Variants in NEURL4 observed in about 807,000 individuals in gnomAD.
The protein encoded by NEURL4 is neuralized-like protein 4.
NEURL4 carries 45 observed loss-of-function variants against 148.0 expected under a neutral mutation model. The ratio of observed to expected loss-of-function variants is 0.30; its 90% confidence interval spans 0.24 to 0.39. NEURL4 has a LOEUF of 0.39. Among genes scored for constraint, NEURL4 ranks in the 10% least tolerant of loss-of-function variants. The pLI is 1.00. For synonymous variants in NEURL4, 854 were observed against 869.0 expected (o/e 0.98, Z 0.30); for missense variants, 1,776 against 2,144.0 (o/e 0.83, Z 3.39).
Position 7,317,374 on chromosome 17 carries a change from G to A in NEURL4, c.4319-4C>T. 6.3e-7 allele frequency: 1 copy of A among 1,583,310 alleles called. No individual in the cohort carries two copies. The highest frequency in any genetic ancestry group is 8.6e-7 in the Non-Finnish European group (1 of 1,162,754). On this transcript the variant is annotated splice_region_variant and splice_polypyrimidine_tract_variant and intron_variant, in intron 27 of 28. Coordinates refer to ENST00000399464, the MANE Select transcript of NEURL4 (RefSeq NM_032442.3). ...CAGCTCAGGATGGAGGCAGTACCTG[G>A]GAGGAGAACTGGGTCAGGATAGCCC...
chr17:7,327,605 G>A lies in NEURL4; in HGVS notation c.562C>T (p.Arg188Cys), dbSNP rs770022730. ...CGVAATGLPP[R>C]VWAVVDLYGK... Reference sequence around the variant, plus strand: ...TAAAGGTCCACGACGGCCCAGACACGAGGGGGCAGGCCTGTGGCAGCCACA... The same window carrying A: ...TAAAGGTCCACGACGGCCCAGACACAAGGGGGCAGGCCTGTGGCAGCCACA... Residue 188 changes from arginine (R) to cysteine (C), a missense_variant, in exon 2 of 29, where the codon CGT becomes TGT. Transcript: ENST00000399464. This position sits in a 1 kb window ranked among gnomAD's most constrained non-coding sequence, Gnocchi z 6.6. 18 of 1,612,458 alleles carry A rather than the reference G, an allele frequency of 1.1e-5. No homozygotes were observed. The highest frequency in any genetic ancestry group is 6.7e-5 in the East Asian group (3 of 44,884).
Position 7,318,134 on chromosome 17 carries a change from C to T in NEURL4, c.3991G>A (p.Ala1331Thr), listed in dbSNP as rs568749336. The change falls in exon 25 of 29, where the codon GCT (alanine) becomes ACT (threonine). Residue 1331 changes from alanine to threonine, a missense_variant. Transcript: ENST00000399464. This position sits in a 1 kb window ranked among gnomAD's most constrained non-coding sequence, Gnocchi z 4.3. ...ESVCWGPPPAASPLKSCEYHA... is the reference protein window; with the variant it reads ...ESVCWGPPPATSPLKSCEYHA... ...TACTCGCAGCTCTTTAGAGGACTAGCGGCAGGTGGTGGACCCCAGCACACA... is the reference window on the plus strand; with the variant it reads ...TACTCGCAGCTCTTTAGAGGACTAGTGGCAGGTGGTGGACCCCAGCACACA... 7.7e-5 allele frequency: 125 copies of T among 1,614,110 alleles called. No individual in the cohort carries two copies. The East Asian group carries it at 2.4e-3, about 31-fold the overall frequency.
chr17:7,319,018 G>A (rs2072989945), intron 22 of NEURL4, 32 bp downstream of exon 22: 1 of 1,581,764 alleles, frequency 6.3e-7, no homozygotes, highest in East Asian at 2.2e-5. Flanking sequence ...TCACAGGCCT[G>A]GTCCTGTTCC....
chr17:7,327,512 T>G lies in NEURL4; in HGVS notation c.655A>C (p.Thr219Pro). 1 of 1,597,850 alleles carries G rather than the reference T, an allele frequency of 6.3e-7. No individual in the cohort carries two copies. The highest frequency in any genetic ancestry group is 1.1e-5 in the South Asian group (1 of 88,862). The change falls in exon 2 of 29, where the codon ACA (threonine) becomes CCA (proline). Residue 219 changes from threonine to proline, a missense_variant. Physicochemically the swap from Thr to Pro is conservative, Grantham distance 38. Coordinates refer to ENST00000399464, the MANE Select transcript of NEURL4 (RefSeq NM_032442.3). This position sits in a 1 kb window ranked among gnomAD's most constrained non-coding sequence, Gnocchi z 6.6. ...PGFSPPTPIP[T>P]PPLEPLAPTE... The stretch of plus-strand genomic sequence containing the variant: ...GGGGCCAAGGGCTCGAGGGGAGGTG[T>G]GGGGATGGGAGTAGGGGGGCTGAAG...
rs1373428964 is a variant in NEURL4, at chr17:7,325,260, C to T, written c.1580G>A (p.Cys527Tyr). ...GTGGGTGATGGCTGCCTTCTGCCCA[C>T]AGTTGGGGTGGAAGAGCAGGCGCTC... ...EPERLLFHPN[C>Y]GQKAAITHEG... Residue 527 changes from cysteine to tyrosine, a missense_variant, in exon 8 of 29, where the codon TGT becomes TAT. Transcript: ENST00000399464. 2.5e-6 allele frequency: 4 copies of T among 1,607,208 alleles called. No individual in the cohort carries two copies. Among genetic ancestry groups the T allele is most frequent in the Non-Finnish European group, 2.5e-6 (3 of 1,177,682 alleles).
At chr17:7,317,152 G>T in intron 28 of NEURL4, 53 bp downstream of exon 28, 1 of 1,352,016 alleles carries the variant, frequency 7.4e-7, no homozygotes, top group Non-Finnish European at 9.9e-7. Context: ...CTGCGCTTGG[G>T]CCCTCTCCAT....
In NEURL4 at chr17:7,315,870, G is replaced by T; in HGVS notation, c.*253C>A. The T allele has an allele frequency of 3.4e-6, 2 of 587,280 alleles. No homozygotes were observed. The highest frequency in any genetic ancestry group is 3.0e-6 in the Non-Finnish European group (1 of 329,796). 36.4% of individuals were successfully genotyped at this position (587,280 alleles called of 1,614,324 possible). A position where few individuals can be genotyped will look rare whatever the true frequency, so the allele number is the denominator to read the frequency against. ...AGGGAGTCATGTTCCCCAAATCAGT[G>T]CATGAAGAGGGGTACCAGGGCCTGG... On this transcript the variant is annotated 3_prime_UTR_variant, in exon 29 of 29. Coordinates refer to ENST00000399464, the MANE Select transcript of NEURL4 (RefSeq NM_032442.3).
At chr17:7,328,032 G>A (rs1053478853) in intron 1 of NEURL4, 148 bp from the exon 2 acceptor site, 57 of 667,972 alleles carry the variant, frequency 8.5e-5, no homozygotes, top group Admixed American at 6.2e-4. Context: ...TCTGGACTCC[G>A]TCTTGGTAAT....
In NEURL4 at chr17:7,324,283, G is replaced by A. The variant is rs929373311; in HGVS notation, c.1900-13C>T. On this transcript the variant is annotated splice_polypyrimidine_tract_variant and intron_variant, in intron 10 of 28. Transcript: ENST00000399464. This position sits in a 1 kb window ranked among gnomAD's most constrained non-coding sequence, Gnocchi z 5.9. ...CCGTGTCCCCTGCCTTGGAAGAAGG[G>A]GGTGCTGGAGTGAGGAGTCAGGCAG... 4.3e-6 allele frequency: 7 copies of A among 1,613,364 alleles called. No homozygotes were observed. Among genetic ancestry groups the A allele is most frequent in the Non-Finnish European group, 5.1e-6 (6 of 1,179,554 alleles).
In NEURL4 at chr17:7,324,618, G is replaced by A; in HGVS notation, c.1814-138C>T. The A allele has an allele frequency of 9.3e-7, 1 of 1,075,208 alleles. No individual in the cohort carries two copies. The highest frequency in any genetic ancestry group is 1.4e-6 in the Non-Finnish European group (1 of 731,110). The allele number at this position is 1,075,208 out of a possible 1,614,324, so 66.6% of individuals were successfully genotyped here. A position where few individuals can be genotyped will look rare whatever the true frequency, so the allele number is the denominator to read the frequency against. On this transcript the variant is annotated intron_variant, in intron 9 of 28. Coordinates refer to ENST00000399464, the MANE Select transcript of NEURL4 (RefSeq NM_032442.3). This position sits in a 1 kb window ranked among gnomAD's most constrained non-coding sequence, Gnocchi z 5.9. ...ATGACTAGATTTCTTCCCTGAGCAG[G>A]ACAAGAAAACTCTGCAGCTTCCAAG...
At position 7,320,890 on chromosome 17, in the gene NEURL4, G is replaced by C; in HGVS notation, c.3394C>G (p.Leu1132Val). 6.2e-7 allele frequency: 1 copy of C among 1,614,084 alleles called. No homozygotes were observed. Among genetic ancestry groups the C allele is most frequent in the Non-Finnish European group, 8.5e-7 (1 of 1,180,014 alleles). Residue 1132 changes from leucine (L) to valine (V), a missense_variant, in exon 21 of 29, where the codon CTC becomes GTC. By Grantham distance (32) the Leu-to-Val change is conservative. Coordinates refer to ENST00000399464, the MANE Select transcript of NEURL4 (RefSeq NM_032442.3). ...TTCCCATGGTTCTCCAGGAACTCGA[G>C]GGTGGTGGGTATAATACCCACTTCA... ...QNEVGIIPTT[L>V]EFLENHGKNI... is the part of the protein sequence containing the mutation.
rs778563104 is a variant in NEURL4 at position 7,327,597 on chromosome 17, C to T, written c.570G>A (p.Trp190Ter). The change falls in exon 2 of 29, where the codon TGG (tryptophan) becomes TGA (stop). Residue 190 changes from tryptophan to a stop codon, truncating the protein, a stop_gained. Coordinates refer to ENST00000399464, the MANE Select transcript of NEURL4 (RefSeq NM_032442.3). LOFTEE classifies it high-confidence loss of function. The surrounding 1 kb of genome is among the most constrained non-coding windows in gnomAD (Gnocchi z 6.6). ...ACTTGCCATAAAGGTCCACGACGGC[C>T]CAGACACGAGGGGGCAGGCCTGTGG... ...VAATGLPPRV[W>*]AVVDLYGKCT... is the part of the protein sequence containing the mutation. The T allele has an allele frequency of 6.2e-7, 1 of 1,612,196 alleles. No individual in the cohort carries two copies. Among genetic ancestry groups the T allele is most frequent in the Non-Finnish European group, 8.5e-7 (1 of 1,179,894 alleles).
In NEURL4 at chr17:7,326,558, A is replaced by T; in HGVS notation, c.1093-10T>A. On this transcript the variant is annotated splice_polypyrimidine_tract_variant and intron_variant, in intron 4 of 28. Coordinates refer to ENST00000399464, the MANE Select transcript of NEURL4 (RefSeq NM_032442.3). This position sits in a 1 kb window ranked among gnomAD's most constrained non-coding sequence, Gnocchi z 6.0. ...GCTTGTCGATACGGATCTGGCATTGAGGGACAGAAGGGAGAAGCAGGGAAT... is the reference window on the plus strand; with the variant it reads ...GCTTGTCGATACGGATCTGGCATTGTGGGACAGAAGGGAGAAGCAGGGAAT... 1.2e-6 allele frequency: 2 copies of T among 1,613,218 alleles called. No homozygotes were observed. The highest frequency in any genetic ancestry group is 1.7e-6 in the Non-Finnish European group (2 of 1,179,250).
At position 7,326,410 on chromosome 17, in the gene NEURL4, A is replaced by G; in HGVS notation, c.1204+27T>C. The G allele has an allele frequency of 6.2e-7, 1 of 1,612,982 alleles. No individual in the cohort carries two copies. Among genetic ancestry groups the G allele is most frequent in the South Asian group, 1.1e-5 (1 of 91,038 alleles). On this transcript the variant is annotated intron_variant, in intron 5 of 28. Transcript: ENST00000399464. The surrounding 1 kb of genome is among the most constrained non-coding windows in gnomAD (Gnocchi z 6.0). ...TTCCCCTCAGCAACACCAGGCCTGC[A>G]CCCCCGCCCCTGCCCGGGGCTGGTA... is the stretch of plus-strand genomic sequence containing the variant.
chr17:7,321,518 C>T lies in NEURL4; in HGVS notation c.3099+42G>A. 2 of 1,612,856 alleles carry T rather than the reference C, an allele frequency of 1.2e-6. No homozygotes were observed. The highest frequency in any genetic ancestry group is 1.7e-4 in the Middle Eastern group (1 of 6,060). On this transcript the variant is annotated intron_variant, in intron 18 of 28. Coordinates refer to ENST00000399464, the MANE Select transcript of NEURL4 (RefSeq NM_032442.3). The surrounding 1 kb of genome is among the most constrained non-coding windows in gnomAD (Gnocchi z 6.3). The stretch of plus-strand genomic sequence containing the variant: ...TCAGCCCACCTCTCCCTGCCACCTC[C>T]ACTCCCAACCCCTCCCCTGTCCCTG...
Position 7,326,203 on chromosome 17 carries a change from A to T in NEURL4, c.1293+52T>A. 1 of 1,547,984 alleles carries T rather than the reference A, an allele frequency of 6.5e-7. No individual in the cohort carries two copies. The highest frequency in any genetic ancestry group is 1.7e-5 in the Admixed American group (1 of 57,722). ...GCTTGGTGCCCTGGCAGGGACACAG[A>T]GTACCTGTGGCTCTGCTGAAAGCGG... On this transcript the variant is annotated intron_variant, in intron 6 of 28. Transcript: ENST00000399464. This position sits in a 1 kb window ranked among gnomAD's most constrained non-coding sequence, Gnocchi z 6.0.
rs1427114028 is a variant in NEURL4, at chr17:7,329,283, G to A, written c.30C>T (p.Gly10=). 7.2e-7 allele frequency: 1 copy of A among 1,393,036 alleles called. No individual in the cohort carries two copies. The highest frequency in any genetic ancestry group is 2.9e-5 in the East Asian group (1 of 34,134). The allele number at this position is 1,393,036 out of a possible 1,614,324, so 86.3% of individuals were successfully genotyped here. ...GCCCCGGTCCAGGGCCTCCCCCAGA[G>A]CCCCCACTCCCACCCGACCCTGCCG... MAAGSGGSG[G]SGGGPGPGPG... The change falls in exon 1 of 29, where the codon GGC becomes GGT. Residue 10 remains glycine (G), a synonymous_variant. Coordinates refer to ENST00000399464, the MANE Select transcript of NEURL4 (RefSeq NM_032442.3).
At chr17:7,328,920 G>C (rs1165782302) in intron 1 of NEURL4, 111 bp downstream of exon 1, 2 of 1,056,186 alleles carry the variant, frequency 1.9e-6, no homozygotes, top group African/African-American at 3.4e-5. Context: ...TGGTCTTTCT[G>C]TTCCCTCTCG....
chr17:7,325,583 C>T, intron 7 of NEURL4, 58 bp downstream of exon 7: 1 of 1,591,062 alleles, frequency 6.3e-7, no homozygotes, highest in Non-Finnish European at 8.6e-7. Flanking sequence ...AGGTACAGCC[C>T]CCAGTCCCAG....
Sources: allele counts gnomAD v4.1 joint callset, GRCh38; gene constraint gnomAD v4.1.1; non-coding constraint Gnocchi (gnomAD v3.1); transcripts MANE v1.5; gene names NCBI Gene and HGNC (gene_info 2026-07-23, HGNC 2026-07-21).